SCML4: variants seen among roughly 807,000 people sequenced by gnomAD.
SCML4 encodes Scm polycomb group protein like 4.
In SCML4, 34 loss-of-function variants were observed where a neutral mutation model predicts 41.1. That is an observed-to-expected ratio of 0.83 (90% CI 0.63 to 1.10). SCML4 has a LOEUF of 1.10. SCML4 is among the 50% of genes least tolerant of loss of function. SCML4 has a pLI of 0.00. For synonymous variants in SCML4, 214 were observed against 220.9 expected (o/e 0.97, Z 0.28); for missense variants, 522 against 534.1 (o/e 0.98, Z 0.22).
At chr6:107,730,678 T>C (rs1460263942) in intron 5 of SCML4, among the ~76,000 whole-genome samples, 1 of 152,214 alleles carries the variant, frequency 6.6e-6, no homozygotes, top group African/African-American at 2.4e-5. Flanking sequence ...CTGCCACATT[T>C]TCAAGGTTTG....
chr6:107,803,235 G>GGCA, intron 1 of SCML4, among the ~76,000 whole-genome samples: 1 of 7,930 alleles, frequency 1.3e-4, no homozygotes, highest in East Asian at 5.3e-3. Context: ...GCCTCTGCCC[G>GGCA]GCCGCCCTGT....
At chr6:107,777,937 G>A (rs1394045538) in intron 1 of SCML4, among the ~76,000 whole-genome samples, 2 of 151,816 alleles carry the variant, frequency 1.3e-5, no homozygotes, top group South Asian at 2.1e-4. Flanking sequence ...AAATCAGGCC[G>A]GGTACAGTGG....
chr6:107,831,134 G>A, the SCML4 span, among the ~76,000 whole-genome samples: 1 of 152,110 alleles, frequency 6.6e-6, no homozygotes, highest in African/African-American at 2.4e-5. Context: ...TATGAAAGTG[G>A]TGTAACGGGG....
chr6:107,791,850 C>T (rs943614254), intron 1 of SCML4, among the ~76,000 whole-genome samples: 8 of 152,148 alleles, frequency 5.3e-5, no homozygotes, highest in South Asian at 4.1e-4. Context: ...GTCCCAGCTA[C>T]TCAGGAGGCT....
intron 6 of SCML4, among the ~76,000 whole-genome samples, chr6:107,716,254 CA>C (rs1452856531): frequency 2.0e-5 from 3 of 152,140 alleles, no homozygotes; most frequent in Admixed American, 1.3e-4. Context: ...GCTCTTGTTC[CA>C]TCTTCTCCAT....
chr6:107,751,626 C>CTTTCTT (rs1778672873), intron 2 of SCML4, among the ~76,000 whole-genome samples: 2 of 145,834 alleles, frequency 1.4e-5, no homozygotes, highest in African/African-American at 5.1e-5. Flanking sequence ...TTCTTTCTTT[C>CTTTCTT]TTTCTTTCTT....
intron 1 of SCML4, among the ~76,000 whole-genome samples, chr6:107,809,286 T>G (rs1293619043): frequency 6.6e-6 from 1 of 152,218 alleles, no homozygotes; most frequent in East Asian, 1.9e-4. Flanking sequence ...AGAAATCAAT[T>G]TCTATTGTTT....
At chr6:107,747,357 A>C (rs971833336) in intron 3 of SCML4, among the ~76,000 whole-genome samples, 2 of 152,230 alleles carry the variant, frequency 1.3e-5, no homozygotes, top group Non-Finnish European at 2.9e-5. Flanking sequence ...TATATATTCA[A>C]CAAAGCTCTA....
intron 2 of SCML4, among the ~76,000 whole-genome samples, chr6:107,762,147 T>C (rs562731278): frequency 6.6e-6 from 1 of 152,208 alleles, no homozygotes; most frequent in Non-Finnish European, 1.5e-5. Context: ...CCTTGTATTA[T>C]TTAGGAAGAA....
chr6:107,744,716 A>G (rs756031147), intron 5 of SCML4, among the ~76,000 whole-genome samples: 1 of 152,222 alleles, frequency 6.6e-6, no homozygotes, highest in Non-Finnish European at 1.5e-5. Context: ...TTATAATGTC[A>G]GCTCTTAATA....
rs574282294 is a variant in SCML4 at position 107,731,142 on chromosome 6, A to G, written c.683-10149T>C. On this transcript the variant is annotated intron_variant, in intron 5 of 7. Coordinates refer to ENST00000369020, the MANE Select transcript of SCML4 (RefSeq NM_198081.5). ...GGTGCAGGAGAAAGCCACGAGCCAGAGAGAGAAAGAGAAAGTCCCAAAACA... is the reference window on the plus strand; with the variant it reads ...GGTGCAGGAGAAAGCCACGAGCCAGGGAGAGAAAGAGAAAGTCCCAAAACA... 2.2e-4 allele frequency among the ~76,000 whole-genome samples: 34 copies of G among 152,308 alleles called. 1 individual carries two copies. The highest frequency in any genetic ancestry group is 7.9e-4 in the African/African-American group (33 of 41,574).
At chr6:107,745,352 G>A (rs1012763921) in intron 4 of SCML4, 5 of 517,764 alleles carry the variant, frequency 9.7e-6, no homozygotes, top group East Asian at 3.3e-5. Flanking sequence ...CGTCTCCTTC[G>A]TCTCCTTGGT....
chr6:107,714,973 C>CT (rs1300660187), intron 6 of SCML4, among the ~76,000 whole-genome samples: 3 of 90,048 alleles, frequency 3.3e-5, no homozygotes, highest in Admixed American at 1.2e-4. Flanking sequence ...TGCACAAACC[C>CT]TTTATTTTTT....
chr6:107,837,177 C>T, the SCML4 span, among the ~76,000 whole-genome samples: 1 of 152,202 alleles, frequency 6.6e-6, no homozygotes, highest in East Asian at 1.9e-4. Context: ...CAGGCCACCA[C>T]TCTACCCATT....
chr6:107,787,733 A>C (rs1049046445), intron 1 of SCML4, among the ~76,000 whole-genome samples: 19 of 152,356 alleles, frequency 1.2e-4, no homozygotes, highest in African/African-American at 3.1e-4. Flanking sequence ...CAACTCTCCA[A>C]GTCGGCACCT....
chr6:107,827,873 C>T (rs1421417759), upstream of SCML4, among the ~76,000 whole-genome samples: 2 of 152,190 alleles, frequency 1.3e-5, no homozygotes, highest in African/African-American at 2.4e-5. Flanking sequence ...GTAAAGACAC[C>T]GTTCACATTG....
chr6:107,837,984 T>C, the SCML4 span, among the ~76,000 whole-genome samples: 2 of 150,220 alleles, frequency 1.3e-5, no homozygotes, highest in East Asian at 3.9e-4. Flanking sequence ...CTCAGCTCAC[T>C]GCAATCTCTG....
At chr6:107,781,669 CAA>C (rs549589428) in intron 1 of SCML4, among the ~76,000 whole-genome samples, 50 of 95,726 alleles carry the variant, frequency 5.2e-4, no homozygotes, top group Admixed American at 6.9e-4. Context: ...GACCCTGTCT[CAA>C]AAAAAAAAAA....
At chr6:107,775,455 A>G (rs1780862727) in intron 1 of SCML4, among the ~76,000 whole-genome samples, 1 of 152,208 alleles carries the variant, frequency 6.6e-6, no homozygotes, top group South Asian at 2.1e-4. Context: ...CCTAGGAGCT[A>G]TCTGTCTTCT....
Sources: allele counts gnomAD v4.1 joint callset (sites outside exome capture counted in the v4.1 genomes callset), GRCh38; gene constraint gnomAD v4.1.1; transcripts MANE v1.5; gene names NCBI Gene and HGNC (gene_info 2026-07-23, HGNC 2026-07-21).